Variants in BARX2 observed in about 807,000 individuals in gnomAD.
BARX2 encodes BARX homeobox 2.
A neutral mutation model predicts 25.5 loss-of-function variants in BARX2; 11 were observed. That is an observed-to-expected ratio of 0.43 (90% CI 0.27 to 0.71). The LOEUF (loss-of-function observed/expected upper bound fraction) is 0.71. BARX2 is among the 30% of genes least tolerant of loss of function. The probability of loss-of-function intolerance (pLI) is 0.19; values close to 1 mark genes in which losing one functional copy is unlikely to be tolerated. For missense variants in BARX2, 360 were observed against 359.9 expected, an observed-to-expected ratio of 1.00 and a Z score of 0.00; for synonymous variants, 137 against 149.5, an observed-to-expected ratio of 0.92 and a Z score of 0.61.
intron 1 of BARX2, among the ~76,000 whole-genome samples, chr11:129,415,623 G>T (rs533927921): frequency 6.6e-6 from 1 of 152,286 alleles, no homozygotes; most frequent in African/African-American, 2.4e-5. Flanking sequence ...ACCGGGCCCT[G>T]GAATCTTTCT....
intron 1 of BARX2, among the ~76,000 whole-genome samples, chr11:129,398,616 A>C (rs927111114): frequency 6.6e-6 from 1 of 152,228 alleles, no homozygotes; most frequent in African/African-American, 2.4e-5. Flanking sequence ...GAATAGTTGC[A>C]ACAGGTGAAC....
intron 1 of BARX2, among the ~76,000 whole-genome samples, chr11:129,412,488 C>T (rs1482999383): frequency 6.6e-6 from 1 of 152,206 alleles, no homozygotes; most frequent in African/African-American, 2.4e-5. Context: ...CAGCAGTGTA[C>T]AGCAGCAACA....
chr11:129,430,832 G>T (rs955658259), intron 1 of BARX2, among the ~76,000 whole-genome samples: 2 of 152,032 alleles, frequency 1.3e-5, no homozygotes, highest in African/African-American at 4.8e-5. Flanking sequence ...ATAGTCATTT[G>T]AGATTCATCC....
At chr11:129,404,559 G>A (rs751463685) in intron 1 of BARX2, among the ~76,000 whole-genome samples, 20 of 152,158 alleles carry the variant, frequency 1.3e-4, no homozygotes, top group Non-Finnish European at 2.1e-4. Context: ...TGACCTTTCC[G>A]GGCTTTTCCC....
chr11:129,378,768 A>G (rs1000289350), intron 1 of BARX2, among the ~76,000 whole-genome samples: 3 of 151,732 alleles, frequency 2.0e-5, no homozygotes, highest in Non-Finnish European at 4.4e-5. Flanking sequence ...AGAGAAAAAA[A>G]AGGCCTCAAA....
At chr11:129,381,053 G>A (rs1211592963) in intron 1 of BARX2, among the ~76,000 whole-genome samples, 1 of 152,120 alleles carries the variant, frequency 6.6e-6, no homozygotes, top group Admixed American at 6.5e-5. Flanking sequence ...GGGATTATAG[G>A]CATGAGCCAT....
chr11:129,412,038 C>T lies in BARX2; in HGVS notation c.188-24713C>T, dbSNP rs1052575724. On this transcript the variant is annotated intron_variant, in intron 1 of 3. Transcript: ENST00000281437. ...CTGTAATCCCAGCACTTTGGGAGGC[C>T]GAGGCAGGCAGATCACAAGGTCAGG... Among the ~76,000 whole-genome samples the T allele has an allele frequency of 6.6e-5, 10 of 152,076 alleles. No individual in the cohort carries two copies. The East Asian group carries it at 1.4e-3, about 21-fold the overall frequency.
chr11:129,421,426 C>G (rs960952975), intron 1 of BARX2, among the ~76,000 whole-genome samples: 1 of 152,196 alleles, frequency 6.6e-6, no homozygotes, highest in African/African-American at 2.4e-5. Context: ...CAGGTAGATT[C>G]CTTCAAAGTT....
At chr11:129,410,121 C>G (rs1861871036) in intron 1 of BARX2, among the ~76,000 whole-genome samples, 1 of 152,102 alleles carries the variant, frequency 6.6e-6, no homozygotes, top group Non-Finnish European at 1.5e-5. Context: ...GGAACAGTAC[C>G]TAGTGTTGTT....
chr11:129,386,116 G>A (rs61662471), intron 1 of BARX2, among the ~76,000 whole-genome samples: 7,171 of 152,236 alleles, frequency 0.047, 228 homozygotes, highest in East Asian at 0.15. Context: ...GTAATGCTTT[G>A]GCATAGAATA....
chr11:129,446,217 C>G (rs1862327050), intron 3 of BARX2, among the ~76,000 whole-genome samples: 1 of 152,148 alleles, frequency 6.6e-6, no homozygotes, highest in African/African-American at 2.4e-5. Flanking sequence ...TTGGTGGTCT[C>G]TTTGAGCTCT....
Position 129,451,119 on chromosome 11 carries a change from AT to A in BARX2, c.574-11del, listed in dbSNP as rs1565525898. On this transcript the variant is annotated splice_polypyrimidine_tract_variant and intron_variant, in intron 3 of 3. Transcript: ENST00000281437. ...GAATTATTTCTTAGATTCAATAACA[AT>A]TTTTTACTCACGTAGGTTCTTAAAG... The A allele has an allele frequency of 5.0e-6, 8 of 1,604,354 alleles. No homozygotes were observed. Among genetic ancestry groups the A allele is most frequent in the Middle Eastern group, 1.7e-4 (1 of 6,032 alleles).
intron 1 of BARX2, among the ~76,000 whole-genome samples, chr11:129,384,164 G>A (rs1272959588): frequency 6.6e-6 from 1 of 151,988 alleles, no homozygotes; most frequent in Non-Finnish European, 1.5e-5. Flanking sequence ...CCGGCCAGAT[G>A]AGTATTTTCA....
chr11:129,440,078 G>C (rs1417184182), intron 2 of BARX2, among the ~76,000 whole-genome samples: 1 of 152,002 alleles, frequency 6.6e-6, no homozygotes, highest in African/African-American at 2.4e-5. Context: ...GATGTTCCTC[G>C]CCTCCCTACG....
chr11:129,376,356 GGGCATTGCAAA>G lies in BARX2; in HGVS notation c.187+140_187+150del. On this transcript the variant is annotated intron_variant, in intron 1 of 3. Transcript: ENST00000281437. The surrounding 1 kb of genome is among the most constrained non-coding windows in gnomAD (Gnocchi z 4.2). ...CTTTTCCTGCGCCTCAGCAAGCGGT[GGGCATTGCAAA>G]GGCATCTGCGACGTGGCCGGGAAGG... The G allele has an allele frequency of 1.0e-6, 1 of 955,308 alleles. No individual in the cohort carries two copies. Among genetic ancestry groups the G allele is most frequent in the Non-Finnish European group, 1.5e-6 (1 of 658,342 alleles). 59.2% of individuals were successfully genotyped at this position (955,308 alleles called of 1,614,324 possible). A position where few individuals can be genotyped will look rare whatever the true frequency, so the allele number is the denominator to read the frequency against.
intron 1 of BARX2, among the ~76,000 whole-genome samples, chr11:129,416,314 G>A (rs1409129894): frequency 7.2e-5 from 11 of 152,300 alleles, no homozygotes; most frequent in Middle Eastern, 6.8e-3. Context: ...GCTAGGGGGC[G>A]GAGGTGGGAA....
chr11:129,375,298 G>A (rs978281788), upstream of BARX2, among the ~76,000 whole-genome samples: 1 of 152,122 alleles, frequency 6.6e-6, no homozygotes, highest in Admixed American at 6.5e-5. The surrounding 1 kb of genome is among the most constrained non-coding windows in gnomAD (Gnocchi z 4.0). Flanking sequence ...AACCGTCCAC[G>A]CGGGGAAGGA....
chr11:129,395,272 G>A (rs1382669001), intron 1 of BARX2, among the ~76,000 whole-genome samples: 1 of 152,150 alleles, frequency 6.6e-6, no homozygotes, highest in African/African-American at 2.4e-5. Flanking sequence ...CCCGTAGGCT[G>A]GTTTCTGGGA....
chr11:129,387,792 T>A (rs1176382333), intron 1 of BARX2, among the ~76,000 whole-genome samples: 1 of 152,168 alleles, frequency 6.6e-6, no homozygotes, highest in Non-Finnish European at 1.5e-5. Context: ...TTTCATTTCT[T>A]AGGGAGGTGC....
Sources: gnomAD v4.1 joint callset for allele counts (sites outside exome capture counted in the v4.1 genomes callset) on GRCh38, gnomAD v4.1.1 for gene constraint, Gnocchi (gnomAD v3.1) non-coding constraint, MANE v1.5 for transcripts, NCBI Gene and HGNC (gene_info 2026-07-23, HGNC 2026-07-21) for gene names.